Variants in SLC16A10 observed in about 807,000 individuals in gnomAD.
SLC16A10 encodes solute carrier family 16 member 10, also known as monocarboxylate transporter 10.
Under a neutral mutation model 40.0 loss-of-function variants are expected in SLC16A10, and 27 were observed. That is an observed-to-expected ratio of 0.67 (90% CI 0.50 to 0.93). The LOEUF (loss-of-function observed/expected upper bound fraction) is 0.93. Ranked by LOEUF, SLC16A10 falls within the 40% of genes least tolerant of loss-of-function variation. The pLI is 0.00. For synonymous variants in SLC16A10, 213 were observed against 249.8 expected (o/e 0.85, Z 1.39); for missense variants, 529 against 658.2 (o/e 0.80, Z 2.15).
rs772346861 is a variant in SLC16A10, at chr6:111,087,985, T to A, written c.233T>A (p.Met78Lys). The A allele has an allele frequency of 5.6e-6, 9 of 1,611,168 alleles. No homozygotes were observed. The stretch of plus-strand genomic sequence containing the variant: ...GGCTGGCTGGTGATGCTGGCGGCCA[T>A]GTGGTGCAACGGGTCGGTGTTCGGC... The part of the protein sequence containing the change: ...GWGWLVMLAA[M>K]WCNGSVFGIQ... The change falls in exon 1 of 6, where the codon ATG becomes AAG. Residue 78 changes from methionine to lysine, a missense_variant. By Grantham distance (95) the Met-to-Lys change is moderately conservative. Transcript: ENST00000368851.
chr6:111,202,939 T>G (rs1482617620), intron 3 of SLC16A10, among the ~76,000 whole-genome samples: 1 of 148,282 alleles, frequency 6.7e-6, no homozygotes. Flanking sequence ...TCCTGACACT[T>G]AATACATTTA....
At chr6:111,129,331 T>C (rs551949140) in intron 1 of SLC16A10, among the ~76,000 whole-genome samples, 5 of 152,342 alleles carry the variant, frequency 3.3e-5, no homozygotes, top group African/African-American at 1.2e-4. Context: ...ACTATCAAGC[T>C]GGTTGAGTTC....
At chr6:111,107,129 A>G (rs1771297816) in intron 1 of SLC16A10, among the ~76,000 whole-genome samples, 1 of 152,170 alleles carries the variant, frequency 6.6e-6, no homozygotes, top group Non-Finnish European at 1.5e-5. Context: ...AAAGAAACGT[A>G]TGAGGGGTCT....
chr6:111,212,807 AT>A (rs149300590), intron 4 of SLC16A10, among the ~76,000 whole-genome samples: 98,089 of 144,932 alleles, frequency 0.68, 34,397 homozygotes, highest in Non-Finnish European at 0.79. Context: ...AAATAAAAAA[AT>A]AAAAAAAAAT....
At chr6:111,200,692 A>G (rs1773153669) in intron 3 of SLC16A10, among the ~76,000 whole-genome samples, 1 of 152,218 alleles carries the variant, frequency 6.6e-6, no homozygotes. Flanking sequence ...CAACAAACTC[A>G]GATTATCCAT....
At chr6:111,182,922 T>C (rs1010439071) in intron 3 of SLC16A10, among the ~76,000 whole-genome samples, 1 of 152,150 alleles carries the variant, frequency 6.6e-6, no homozygotes, top group African/African-American at 2.4e-5. Context: ...ACTCATACCT[T>C]AGCCCAGGCT....
chr6:111,176,347 A>G (rs1772684070), intron 2 of SLC16A10, among the ~76,000 whole-genome samples: 1 of 152,216 alleles, frequency 6.6e-6, no homozygotes, highest in Admixed American at 6.5e-5. Flanking sequence ...TGCTTTTACT[A>G]CTGATAGCCT....
chr6:111,210,753 TTGGCC>T, intron 4 of SLC16A10, among the ~76,000 whole-genome samples: 1 of 152,254 alleles, frequency 6.6e-6, no homozygotes, highest in East Asian at 1.9e-4. Context: ...GTAGTGGATT[TTGGCC>T]GGGCGCAGTG....
At chr6:111,180,213 A>G (rs1021590549) in intron 3 of SLC16A10, among the ~76,000 whole-genome samples, 5 of 152,130 alleles carry the variant, frequency 3.3e-5, no homozygotes. Flanking sequence ...TATCCTCTTT[A>G]TTTCATGGAA....
chr6:111,174,886 T>C (rs191732167), intron 2 of SLC16A10, among the ~76,000 whole-genome samples: 1 of 152,312 alleles, frequency 6.6e-6, no homozygotes, highest in African/African-American at 2.4e-5. Context: ...TGACATATAT[T>C]TTGATGTGAC....
At position 111,227,616 on chromosome 6, in the gene SLC16A10, A is replaced by T. The variant is rs1332588906; in HGVS notation, c.*5381A>T. Reference sequence around the variant, plus strand: ...CTTTGTCTTCACTTCCACACGTTCAAGGACACCTCTTTTAAAGTTCAGTGT... The same window carrying T: ...CTTTGTCTTCACTTCCACACGTTCATGGACACCTCTTTTAAAGTTCAGTGT... On this transcript the variant is annotated 3_prime_UTR_variant, in exon 6 of 6. Coordinates refer to ENST00000368851, the MANE Select transcript of SLC16A10 (RefSeq NM_018593.5). 6.6e-6 allele frequency: 1 copy of T among 152,178 alleles called. No individual in the cohort carries two copies. Among genetic ancestry groups the T allele is most frequent in the East Asian group, 1.9e-4 (1 of 5,200 alleles). 9.4% of individuals were successfully genotyped at this position (152,178 alleles called of 1,614,324 possible). A position where few individuals can be genotyped will look rare whatever the true frequency, so the allele number is the denominator to read the frequency against.
At chr6:111,190,589 C>T (rs969946760) in intron 3 of SLC16A10, among the ~76,000 whole-genome samples, 1 of 152,268 alleles carries the variant, frequency 6.6e-6, no homozygotes, top group African/African-American at 2.4e-5. Flanking sequence ...TTCCATACAT[C>T]CTCTGAAATC....
intron 3 of SLC16A10, among the ~76,000 whole-genome samples, chr6:111,195,730 A>G (rs1272263668): frequency 6.6e-6 from 1 of 152,118 alleles, no homozygotes; most frequent in Non-Finnish European, 1.5e-5. Context: ...ATTTGACTCC[A>G]AAGACATTTC....
At chr6:111,097,266 C>T (rs143289969) in intron 1 of SLC16A10, among the ~76,000 whole-genome samples, 1 of 152,202 alleles carries the variant, frequency 6.6e-6, no homozygotes, top group African/African-American at 2.4e-5. Flanking sequence ...TGTATTTATC[C>T]ATCAGCCAAA....
intron 3 of SLC16A10, among the ~76,000 whole-genome samples, chr6:111,194,254 A>G (rs1227095997): frequency 1.3e-5 from 2 of 152,182 alleles, no homozygotes; most frequent in Non-Finnish European, 2.9e-5. Context: ...TTCAATGTAT[A>G]ATAAGGTGAG....
intron 5 of SLC16A10, among the ~76,000 whole-genome samples, chr6:111,220,040 T>C (rs1390923590): frequency 1.3e-5 from 2 of 152,192 alleles, no homozygotes; most frequent in Non-Finnish European, 2.9e-5. Context: ...AGAGCCGTGA[T>C]AGCACCACTG....
chr6:111,137,569 C>T (rs567073523), intron 1 of SLC16A10, among the ~76,000 whole-genome samples: 2 of 152,324 alleles, frequency 1.3e-5, no homozygotes, highest in South Asian at 4.1e-4. Flanking sequence ...AAATCTACCG[C>T]GGACCCTTGG....
chr6:111,192,480 A>G (rs538296710), intron 3 of SLC16A10, among the ~76,000 whole-genome samples: 95 of 151,992 alleles, frequency 6.3e-4, no homozygotes, highest in African/African-American at 1.9e-3. Flanking sequence ...ACATTTTCCT[A>G]TCTTCTTCTG....
At position 111,214,998 on chromosome 6, in the gene SLC16A10, A is replaced by C. The variant is rs1194828104; in HGVS notation, c.1087-3816A>C. 1.4e-4 allele frequency among the ~76,000 whole-genome samples: 21 copies of C among 152,262 alleles called. 1 individual carries two copies. ...GCCAGGCGTGGTAGTGGGCGCCTAT[A>C]GTCCCAGCTACTCGGGAGGCTGAGG... On this transcript the variant is annotated intron_variant, in intron 4 of 5. Transcript: ENST00000368851.
Sources: allele counts gnomAD v4.1 joint callset (sites outside exome capture counted in the v4.1 genomes callset), GRCh38; gene constraint gnomAD v4.1.1; transcripts MANE v1.5; gene names NCBI Gene and HGNC (gene_info 2026-07-23, HGNC 2026-07-21).